CNTNAP5: variants seen among roughly 807,000 people sequenced by gnomAD.
The protein encoded by CNTNAP5 is contactin-associated protein-like 5.
Under a neutral mutation model 150.2 loss-of-function variants are expected in CNTNAP5, and 72 were observed. The observed-to-expected ratio is 0.48, with a 90% confidence interval of 0.40 to 0.58. The LOEUF is 0.58. CNTNAP5 is among the 20% of genes least tolerant of loss of function. The pLI, the probability that CNTNAP5 is intolerant of heterozygous loss-of-function variation, is 0.00. For synonymous variants in CNTNAP5, 672 were observed against 619.8 expected, an observed-to-expected ratio of 1.08 and a Z score of -1.25; for missense variants, 1,636 against 1,626.2, an observed-to-expected ratio of 1.01 and a Z score of -0.10.
At chr2:124,516,927 C>CA (rs1694732704) in intron 8 of CNTNAP5, among the ~76,000 whole-genome samples, 1 of 152,160 alleles carries the variant, frequency 6.6e-6, no homozygotes, top group African/African-American at 2.4e-5. Context: ...TCTGCAACCT[C>CA]AAAATTATTT....
At chr2:124,743,538 C>G (rs1045941532) in intron 13 of CNTNAP5, among the ~76,000 whole-genome samples, 22 of 152,070 alleles carry the variant, frequency 1.4e-4, no homozygotes, top group African/African-American at 5.1e-4. Flanking sequence ...TTTGGGGAGA[C>G]AGGGGTTGCA....
chr2:124,227,200 A>G (rs753138724), intron 2 of CNTNAP5, among the ~76,000 whole-genome samples: 1 of 152,162 alleles, frequency 6.6e-6, no homozygotes, highest in Non-Finnish European at 1.5e-5. Context: ...ACACTGAGCC[A>G]TATTTTATAA....
chr2:124,650,684 C>G (rs1678302804), intron 13 of CNTNAP5, among the ~76,000 whole-genome samples: 1 of 152,140 alleles, frequency 6.6e-6, no homozygotes, highest in South Asian at 2.1e-4. Context: ...ATTCCCGACC[C>G]TGTGATACTC....
chr2:124,812,407 C>G (rs1263679175), intron 19 of CNTNAP5, among the ~76,000 whole-genome samples: 3 of 151,312 alleles, frequency 2.0e-5, no homozygotes, highest in African/African-American at 4.9e-5. Context: ...GCAGAGCACT[C>G]CAAAGTTAAC....
At chr2:124,395,193 A>C (rs1459502688) in intron 3 of CNTNAP5, among the ~76,000 whole-genome samples, 1 of 152,210 alleles carries the variant, frequency 6.6e-6, no homozygotes, top group Non-Finnish European at 1.5e-5. Context: ...GTACACACAT[A>C]GTTATAATAC....
In CNTNAP5 at chr2:124,104,347, T is replaced by C. The variant is rs570766027; in HGVS notation, c.82+78615T>C. ...TTTCCATAAATATCAGTAAGTGTCA[T>C]TGAGAAATTTTTTTCTCCTCTATTT... is the stretch of plus-strand genomic sequence containing the variant. On this transcript the variant is annotated intron_variant, in intron 1 of 23. Coordinates refer to ENST00000682447, the MANE Select transcript of CNTNAP5 (RefSeq NM_001367498.1). Among the ~76,000 whole-genome samples, 6 of 152,250 alleles carry C rather than the reference T, an allele frequency of 3.9e-5. No homozygotes were observed. In the East Asian group the frequency reaches 7.7e-4, roughly 20 times the overall value.
At chr2:124,505,442 A>T (rs1694380815) in intron 8 of CNTNAP5, among the ~76,000 whole-genome samples, 1 of 152,258 alleles carries the variant, frequency 6.6e-6, no homozygotes, top group South Asian at 2.1e-4. Flanking sequence ...AGTAAATTTA[A>T]AACCATTTAA....
At chr2:124,088,006 A>C (rs1217083049) in intron 1 of CNTNAP5, among the ~76,000 whole-genome samples, 2 of 152,056 alleles carry the variant, frequency 1.3e-5, no homozygotes, top group African/African-American at 4.8e-5. Context: ...GAATGTGGGA[A>C]GTTTTCAGCC....
intron 19 of CNTNAP5, among the ~76,000 whole-genome samples, chr2:124,821,042 TCG>T (rs1318771368): frequency 1.3e-5 from 2 of 152,190 alleles, no homozygotes; most frequent in Non-Finnish European, 2.9e-5. Context: ...ATTCCCAACA[TCG>T]CCAGGCAGGA....
chr2:124,587,674 T>A (rs1696568175), intron 11 of CNTNAP5, among the ~76,000 whole-genome samples: 1 of 152,196 alleles, frequency 6.6e-6, no homozygotes, highest in South Asian at 2.1e-4. Flanking sequence ...CAGAAAGGTC[T>A]CTCAGAAGGC....
chr2:124,653,820 A>G (rs1678371029), intron 13 of CNTNAP5, among the ~76,000 whole-genome samples: 2 of 151,628 alleles, frequency 1.3e-5, no homozygotes, highest in Middle Eastern at 3.2e-3. Context: ...TGTGCCAGGC[A>G]CTGGGGAGTG....
intron 11 of CNTNAP5, among the ~76,000 whole-genome samples, chr2:124,588,582 G>A (rs1270466678): frequency 3.3e-5 from 5 of 151,558 alleles, no homozygotes; most frequent in African/African-American, 1.2e-4. Context: ...TGAATTACTG[G>A]GACAGTTTAT....
At chr2:124,371,342 A>G (rs1212912668) in intron 3 of CNTNAP5, among the ~76,000 whole-genome samples, 1 of 152,158 alleles carries the variant, frequency 6.6e-6, no homozygotes, top group Non-Finnish European at 1.5e-5. Flanking sequence ...TTAGTCTACC[A>G]AAGTATGTAA....
At chr2:124,262,894 G>A (rs1687495432) in intron 3 of CNTNAP5, among the ~76,000 whole-genome samples, 1 of 147,528 alleles carries the variant, frequency 6.8e-6, no homozygotes, top group South Asian at 2.1e-4. Context: ...GTGAGCACAT[G>A]TGGTGTTTGG....
At position 124,025,798 on chromosome 2, in the gene CNTNAP5, ACTAT is replaced by A. The variant is rs986291947; in HGVS notation, c.82+70_82+73del. The A allele has an allele frequency of 7.9e-6, 10 of 1,273,262 alleles. No homozygotes were observed. The African/African-American group carries it at 8.8e-5, about 11-fold the overall frequency. The allele number at this position is 1,273,262 out of a possible 1,614,324, so 78.9% of individuals were successfully genotyped here. On this transcript the variant is annotated intron_variant, in intron 1 of 23. Transcript: ENST00000682447. ...ACGATCGCATTCAGAAAGACAATCA[ACTAT>A]CTAAGCGTACTCGATTGTGTCTGCT... is the stretch of plus-strand genomic sequence containing the variant.
chr2:124,462,491 A>G (rs942259795), intron 6 of CNTNAP5, among the ~76,000 whole-genome samples: 2 of 152,236 alleles, frequency 1.3e-5, no homozygotes, highest in Non-Finnish European at 2.9e-5. Flanking sequence ...TAATACAAGT[A>G]TTATACAAAA....
chr2:124,748,339 T>A (rs1680652605), intron 14 of CNTNAP5, among the ~76,000 whole-genome samples: 1 of 152,144 alleles, frequency 6.6e-6, no homozygotes, highest in Non-Finnish European at 1.5e-5. Context: ...AGTTTCTTAG[T>A]CTCCTACACC....
Position 124,916,226 on chromosome 2 carries a change from G to A in CNTNAP5, c.*1938G>A, listed in dbSNP as rs547433456. Among the ~76,000 whole-genome samples the A allele has an allele frequency of 6.6e-6, 1 of 152,086 alleles. No individual in the cohort carries two copies. The highest frequency in any genetic ancestry group is 1.5e-5 in the Non-Finnish European group (1 of 67,952). ...CTTTATCATCTACATGATATCTTTT[G>A]GCTAGTACATTTATTTTAAAGTGAT... On this transcript the variant is annotated 3_prime_UTR_variant, in exon 24 of 24. Coordinates refer to ENST00000682447, the MANE Select transcript of CNTNAP5 (RefSeq NM_001367498.1).
rs1336167069 is a variant in CNTNAP5, at chr2:124,609,866, G to A, written c.1822G>A (p.Asp608Asn). The A allele has an allele frequency of 1.2e-6, 2 of 1,613,816 alleles. No individual in the cohort carries two copies. The highest frequency in any genetic ancestry group is 1.7e-6 in the Non-Finnish European group (2 of 1,179,884). ...GAATACAGCCGGCTTCTTCTACATC[G>A]ACTCAGATGGCAGCGGCCCACTGGG... ...QGNTAGFFYI[D>N]SDGSGPLGPL... Residue 608 changes from aspartate to asparagine, a missense_variant, in exon 12 of 24, where the codon GAC (aspartate) becomes AAC (asparagine). By Grantham distance (23) the Asp-to-Asn change is conservative. Transcript: ENST00000682447.
Sources: allele counts gnomAD v4.1 joint callset (sites outside exome capture counted in the v4.1 genomes callset), GRCh38; gene constraint gnomAD v4.1.1; transcripts MANE v1.5; gene names NCBI Gene and HGNC (gene_info 2026-07-23, HGNC 2026-07-21).